Variants in PIWIL2 observed in about 807,000 individuals in gnomAD.
PIWIL2 encodes piwi-like protein 2.
A neutral mutation model predicts 116.5 loss-of-function variants in PIWIL2; 81 were observed. The observed-to-expected ratio is 0.70, with a 90% CI of 0.58 to 0.84. The LOEUF is 0.84. Ranked by LOEUF, PIWIL2 falls within the 40% of genes least tolerant of loss-of-function variation. PIWIL2 has a pLI of 0.00. For missense variants in PIWIL2, 1,272 were observed against 1,212.3 expected (o/e 1.05, Z -0.73); for synonymous variants, 489 against 429.5 (o/e 1.14, Z -1.71).
chr8:22,303,884 T>C, intron 10 of PIWIL2, 137 bp from the exon 11 acceptor site: 1 of 483,834 alleles, frequency 2.1e-6, no homozygotes, highest in Non-Finnish European at 3.6e-6. Context: ...TGGCCAAGAG[T>C]CCCATCTTTT....
At chr8:22,279,190 C>T (rs1168906453) in intron 1 of PIWIL2, among the ~76,000 whole-genome samples, 151 bp from the exon 2 acceptor site, 1 of 152,156 alleles carries the variant, frequency 6.6e-6, no homozygotes, top group Non-Finnish European at 1.5e-5. Flanking sequence ...TAGAATATTA[C>T]AGATCAAATA....
chr8:22,318,341 G>C, intron 20 of PIWIL2, 66 bp downstream of exon 20: 7 of 872,064 alleles, frequency 8.0e-6, no homozygotes, highest in Non-Finnish European at 1.3e-5. Context: ...TTTTGAGACA[G>C]AGTCTCACTC....
chr8:22,281,478 G>A lies in PIWIL2; in HGVS notation c.388G>A (p.Asp130Asn). The A allele has an allele frequency of 6.3e-7, 1 of 1,598,952 alleles. No individual in the cohort carries two copies. Among genetic ancestry groups the A allele is most frequent in the African/African-American group, 1.4e-5 (1 of 73,700 alleles). The part of the protein sequence containing the change: ...FWDPKVLAAG[D>N]SKMAETSVGW... ...GGATCCAAAAGTGTTGGCGGCTGGG[G>A]ACAGCAAGATGGCAGAGACCTCCGT... is the stretch of plus-strand genomic sequence containing the variant. Residue 130 changes from aspartate to asparagine, a missense_variant, in exon 4 of 23, where the codon GAC becomes AAC. Coordinates refer to ENST00000356766, the MANE Select transcript of PIWIL2 (RefSeq NM_018068.5).
chr8:22,305,918 T>C lies in PIWIL2; in HGVS notation c.1456-9T>C. 1.2e-6 allele frequency: 2 copies of C among 1,608,802 alleles called. No homozygotes were observed. Among genetic ancestry groups the C allele is most frequent in the Non-Finnish European group, 8.5e-7 (1 of 1,175,228 alleles). ...TGCCTTATTTTCCCTCTTCGTTCTCTCTTCAAAGCTGCTAAAAGGGGAAAT... is the reference window on the plus strand; with the variant it reads ...TGCCTTATTTTCCCTCTTCGTTCTCCCTTCAAAGCTGCTAAAAGGGGAAAT... On this transcript the variant is annotated splice_polypyrimidine_tract_variant and intron_variant, in intron 12 of 22. Transcript: ENST00000356766.
chr8:22,286,736 C>T (rs1563351380), intron 6 of PIWIL2, among the ~76,000 whole-genome samples: 1 of 152,082 alleles, frequency 6.6e-6, no homozygotes, highest in Non-Finnish European at 1.5e-5. Flanking sequence ...ATTCTCATGC[C>T]TCAGCCTCCC....
At chr8:22,332,171 G>GCTGCGC (rs956994606) in intron 20 of PIWIL2, among the ~76,000 whole-genome samples, 18 of 152,048 alleles carry the variant, frequency 1.2e-4, no homozygotes, top group African/African-American at 4.4e-4. Flanking sequence ...CAGGTGTGGT[G>GCTGCGC]CTGCGCCCCT....
chr8:22,310,071 GA>G lies in PIWIL2; in HGVS notation c.1798del (p.Thr600LeufsTer29), dbSNP rs1302102310. The G allele has an allele frequency of 6.6e-7, 1 of 1,515,640 alleles. No homozygotes were observed. Among genetic ancestry groups the G allele is most frequent in the Non-Finnish European group, 9.2e-7 (1 of 1,090,922 alleles). 93.9% of individuals were successfully genotyped at this position (1,515,640 alleles called of 1,614,324 possible). On this transcript the variant is annotated frameshift_variant and splice_region_variant, in exon 15 of 23. Coordinates refer to ENST00000356766, the MANE Select transcript of PIWIL2 (RefSeq NM_018068.5). LOFTEE classifies it high-confidence loss of function. The part of the protein sequence containing the change: ...KEVTRDPSIL[T>X]IPMHFWALFY... ...AAGTAACCAGAGACCCTTCCATCTT[GA>G]CTGTAAGTGATTTTTGAAGTGATAA...
At chr8:22,332,132 C>A (rs1831877103) in intron 20 of PIWIL2, among the ~76,000 whole-genome samples, 1 of 151,952 alleles carries the variant, frequency 6.6e-6, no homozygotes, top group Non-Finnish European at 1.5e-5. Flanking sequence ...TGGTGAAACC[C>A]CATCTCTACT....
At chr8:22,282,574 A>G (rs1158001866) in intron 4 of PIWIL2, among the ~76,000 whole-genome samples, 1 of 151,644 alleles carries the variant, frequency 6.6e-6, no homozygotes, top group Admixed American at 6.6e-5. Flanking sequence ...CAGTTGGTGA[A>G]TGAGTCATGG....
At chr8:22,343,192 G>A (rs1832148438) in intron 20 of PIWIL2, among the ~76,000 whole-genome samples, 1 of 151,746 alleles carries the variant, frequency 6.6e-6, no homozygotes, top group Non-Finnish European at 1.5e-5. Flanking sequence ...ATCACCTGAG[G>A]TAGGGAGTTC....
At chr8:22,281,305 T>G in intron 3 of PIWIL2, 72 bp from the exon 4 acceptor site, 2 of 1,558,726 alleles carry the variant, frequency 1.3e-6, no homozygotes, top group South Asian at 2.4e-5. Context: ...TGTGCTTTTT[T>G]TAAAAAAAAA....
intron 10 of PIWIL2, among the ~76,000 whole-genome samples, chr8:22,296,013 T>C (rs1175393896): frequency 2.0e-5 from 3 of 147,648 alleles, no homozygotes; most frequent in Non-Finnish European, 3.0e-5. Context: ...GGGGTTCCTC[T>C]TCCCTTCTTT....
At chr8:22,299,208 CT>C (rs961849064) in intron 10 of PIWIL2, among the ~76,000 whole-genome samples, 1 of 149,256 alleles carries the variant, frequency 6.7e-6, no homozygotes, top group Non-Finnish European at 1.5e-5. Context: ...GATCTTTTTT[CT>C]TTTTTTTCTT....
intron 21 of PIWIL2, among the ~76,000 whole-genome samples, chr8:22,353,942 A>G (rs1832434051): frequency 6.6e-6 from 1 of 151,498 alleles, no homozygotes; most frequent in African/African-American, 2.4e-5. Flanking sequence ...TGCCCAACTA[A>G]TTTTTGTATT....
At chr8:22,275,762 G>C (rs569733065) in intron 1 of PIWIL2, 1 of 152,402 alleles carries the variant, frequency 6.6e-6, no homozygotes, top group Non-Finnish European at 1.5e-5. Flanking sequence ...CCTTGCTTCT[G>C]GTTAGGCCCG....
rs530143372 is a variant in PIWIL2, at chr8:22,317,644, A to T, written c.2298-526A>T. 7.3e-5 allele frequency among the ~76,000 whole-genome samples: 11 copies of T among 151,558 alleles called. No homozygotes were observed. In the East Asian group the frequency reaches 1.9e-3, roughly 27 times the overall value. ...AAATATCCACAATTACACTTTTTTT[A>T]AATTTTTTATTTATTTATTTATTTA... On this transcript the variant is annotated intron_variant, in intron 19 of 22. Coordinates refer to ENST00000356766, the MANE Select transcript of PIWIL2 (RefSeq NM_018068.5).
intron 4 of PIWIL2, among the ~76,000 whole-genome samples, chr8:22,282,376 C>T (rs1212417833): frequency 4.1e-5 from 6 of 147,134 alleles, no homozygotes; most frequent in Admixed American, 1.4e-4. Context: ...TTAGTAGAGA[C>T]GGGGTTTCAT....
chr8:22,297,545 TA>T (rs756057993), intron 10 of PIWIL2, among the ~76,000 whole-genome samples: 12 of 151,568 alleles, frequency 7.9e-5, no homozygotes, highest in South Asian at 2.1e-4. Context: ...TGATTTCTGT[TA>T]AAAAAAAATT....
At chr8:22,335,371 T>C (rs1472367175) in intron 20 of PIWIL2, among the ~76,000 whole-genome samples, 1 of 152,080 alleles carries the variant, frequency 6.6e-6, no homozygotes, top group Non-Finnish European at 1.5e-5. Context: ...TGTAGTCCTA[T>C]TTATTTTTTC....
Sources: gnomAD v4.1 joint callset for allele counts (sites outside exome capture counted in the v4.1 genomes callset) on GRCh38, gnomAD v4.1.1 for gene constraint, MANE v1.5 for transcripts, NCBI Gene and HGNC (gene_info 2026-07-23, HGNC 2026-07-21) for gene names.